PCDH15: variants seen among roughly 807,000 people sequenced by gnomAD.
PCDH15 encodes protocadherin-15.
In PCDH15, 129 loss-of-function variants were observed where a neutral mutation model predicts 178.5. The ratio of observed to expected loss-of-function variants is 0.72; its 90% CI spans 0.63 to 0.84. PCDH15 has a LOEUF of 0.84. PCDH15 is among the 40% of genes least tolerant of loss of function. The pLI, the probability that PCDH15 is intolerant of heterozygous loss-of-function variation, is 0.00. For missense variants in PCDH15, 2,230 were observed against 2,099.9 expected, an observed-to-expected ratio of 1.06 and a Z score of -1.21; for synonymous variants, 800 against 732.0, an observed-to-expected ratio of 1.09 and a Z score of -1.50.
At chr10:54,531,253 T>A (rs1242589079) in intron 2 of PCDH15, among the ~76,000 whole-genome samples, 2 of 152,176 alleles carry the variant, frequency 1.3e-5, no homozygotes, top group Non-Finnish European at 2.9e-5. Flanking sequence ...GTTTCTAGCC[T>A]GTTAGGCCTA....
At chr10:54,488,258 G>C (rs1354540597) in intron 3 of PCDH15, among the ~76,000 whole-genome samples, 1 of 151,668 alleles carries the variant, frequency 6.6e-6, no homozygotes, top group Non-Finnish European at 1.5e-5. Context: ...ATGGAATATA[G>C]TTTTGAACTT....
At chr10:54,232,377 G>A (rs2054164820) in intron 9 of PCDH15, among the ~76,000 whole-genome samples, 2 of 152,156 alleles carry the variant, frequency 1.3e-5, no homozygotes, top group African/African-American at 2.4e-5. Flanking sequence ...GTAGAACTGT[G>A]AGCCACTTAA....
chr10:54,232,835 A>G (rs752371355), intron 9 of PCDH15, among the ~76,000 whole-genome samples: 4 of 150,662 alleles, frequency 2.7e-5, no homozygotes, highest in Non-Finnish European at 5.9e-5. Flanking sequence ...TTTTGGCTTC[A>G]TTTATTATCT....
intron 17 of PCDH15, among the ~76,000 whole-genome samples, chr10:54,073,451 CT>C (rs2135887716): frequency 6.6e-6 from 1 of 152,098 alleles, no homozygotes; most frequent in Admixed American, 6.6e-5. Flanking sequence ...TGTATTTTTG[CT>C]TTTGTTAAAG....
intron 1 of PCDH15, among the ~76,000 whole-genome samples, chr10:55,279,491 C>G (rs969876403): frequency 6.6e-6 from 1 of 152,014 alleles, no homozygotes; most frequent in African/African-American, 2.4e-5. Context: ...TCTGATTAGG[C>G]TGACTTGATA....
chr10:54,410,376 T>C (rs567823714), intron 3 of PCDH15, among the ~76,000 whole-genome samples: 1 of 152,262 alleles, frequency 6.6e-6, no homozygotes, highest in East Asian at 1.9e-4. Context: ...AAGATCATGG[T>C]TTTGAATTCA....
chr10:54,181,478 T>G (rs1267913111), intron 13 of PCDH15, among the ~76,000 whole-genome samples: 1 of 152,230 alleles, frequency 6.6e-6, no homozygotes, highest in Non-Finnish European at 1.5e-5. Flanking sequence ...GGGGTATGAT[T>G]GATTCTGTCA....
intron 27 of PCDH15, 75 bp from the exon 28 acceptor site, chr10:53,857,338 C>T (rs1352679803): frequency 9.4e-7 from 1 of 1,061,856 alleles, no homozygotes; most frequent in Admixed American, 1.7e-5. Flanking sequence ...CCCCACATTA[C>T]CTCTTCCCTA....
chr10:55,309,420 G>T (rs1843517654), intron 1 of PCDH15, among the ~76,000 whole-genome samples: 1 of 151,960 alleles, frequency 6.6e-6, no homozygotes. Context: ...AAGAGGTTGA[G>T]GTGGGAGGAT....
At chr10:54,335,316 C>G (rs781249773) in intron 6 of PCDH15, among the ~76,000 whole-genome samples, 1 of 152,130 alleles carries the variant, frequency 6.6e-6, no homozygotes, top group Non-Finnish European at 1.5e-5. Flanking sequence ...TAAGTTAAAA[C>G]AAAACCAACA....
rs1329361493 is a variant in PCDH15 at position 53,803,849 on chromosome 10, G to T, written c.*2730C>A. Reference sequence around the variant, plus strand: ...GACCTGCTGTTTCTTCTGCCTGATTGAAGCTAGTGCTGATTGAGAACAACA... The same window carrying T: ...GACCTGCTGTTTCTTCTGCCTGATTTAAGCTAGTGCTGATTGAGAACAACA... On this transcript the variant is annotated 3_prime_UTR_variant, in exon 38 of 38. Transcript: ENST00000644397. 1 of 151,874 alleles carries T rather than the reference G, an allele frequency of 6.6e-6. No individual in the cohort carries two copies. The highest frequency in any genetic ancestry group is 2.4e-5 in the African/African-American group (1 of 41,386). 9.4% of individuals were successfully genotyped at this position (151,874 alleles called of 1,614,324 possible).
chr10:55,399,381 G>A lies in PCDH15; in HGVS notation c.-156+228244C>T, dbSNP rs541130112. ...ATGCTATGAGAACTATAAAAGCTCA[G>A]AAGACCAAATCTTTAAATAAAAAAT... is the stretch of plus-strand genomic sequence containing the variant. On this transcript the variant is annotated intron_variant, in intron 2 of 5. Transcript: ENST00000613346. Among the ~76,000 whole-genome samples the A allele has an allele frequency of 7.9e-3, 1,206 of 152,218 alleles. 15 individuals carry two copies. The highest frequency in any genetic ancestry group is 0.026 in the African/African-American group (1,084 of 41,532).
At chr10:54,318,227 T>C (rs535413512) in intron 7 of PCDH15, among the ~76,000 whole-genome samples, 1 of 152,306 alleles carries the variant, frequency 6.6e-6, no homozygotes, top group Non-Finnish European at 1.5e-5. Context: ...CTGACTTCCT[T>C]TGGAGGCTTG....
intron 8 of PCDH15, among the ~76,000 whole-genome samples, chr10:54,270,886 AAACT>A (rs1290134616): frequency 2.6e-5 from 4 of 152,182 alleles, no homozygotes. Context: ...GCAAAATAGG[AAACT>A]AACAAAAATA....
At chr10:55,223,668 A>G (rs949662848) in intron 1 of PCDH15, among the ~76,000 whole-genome samples, 1 of 152,118 alleles carries the variant, frequency 6.6e-6, no homozygotes, top group Non-Finnish European at 1.5e-5. Flanking sequence ...AAATTTACAC[A>G]AGCAAGTTAT....
At chr10:55,182,191 T>G (rs549136822) in intron 1 of PCDH15, among the ~76,000 whole-genome samples, 1 of 152,156 alleles carries the variant, frequency 6.6e-6, no homozygotes, top group African/African-American at 2.4e-5. Flanking sequence ...AGTTAGTAAC[T>G]GTGCCATGTT....
intron 2 of PCDH15, among the ~76,000 whole-genome samples, chr10:54,548,168 AT>A (rs1037221441): frequency 1.4e-5 from 2 of 147,232 alleles, no homozygotes; most frequent in African/African-American, 4.9e-5. Context: ...ATATTTATAT[AT>A]TTACATTTTA....
At chr10:55,547,543 A>ATT (rs1055373373) in intron 2 of PCDH15, among the ~76,000 whole-genome samples, 2 of 152,128 alleles carry the variant, frequency 1.3e-5, no homozygotes, top group African/African-American at 4.8e-5. Context: ...GGTGAGTGCT[A>ATT]TTAATCACAA....
At chr10:55,359,155 C>A (rs1179230279) in intron 2 of PCDH15, among the ~76,000 whole-genome samples, 1 of 151,736 alleles carries the variant, frequency 6.6e-6, no homozygotes, top group Non-Finnish European at 1.5e-5. Context: ...TAGGGTGGCA[C>A]CACTGCACCC....
Sources: allele counts gnomAD v4.1 joint callset (sites outside exome capture counted in the v4.1 genomes callset), GRCh38; gene constraint gnomAD v4.1.1; transcripts MANE v1.5; gene names NCBI Gene and HGNC (gene_info 2026-07-23, HGNC 2026-07-21).